The following ZC3H12B variants were observed in gnomAD, a reference collection of about 807,000 sequenced individuals.
ZC3H12B encodes zinc finger CCCH-type containing 12B.
ZC3H12B carries 7 observed loss-of-function variants against 43.9 expected under a neutral mutation model. The observed-to-expected ratio is 0.16, with a 90% CI of 0.09 to 0.30. ZC3H12B has a LOEUF of 0.30. Ranked by LOEUF, ZC3H12B falls within the 10% of genes least tolerant of loss-of-function variation. The probability of loss-of-function intolerance (pLI) is 1.00; values close to 1 mark genes in which losing one functional copy is unlikely to be tolerated. For synonymous variants in ZC3H12B, 222 were observed against 241.7 expected (o/e 0.92, Z 0.76); for missense variants, 475 against 670.2 (o/e 0.71, Z 3.22).
chrX:65,307,340 C>A, the ZC3H12B span, among the ~76,000 whole-genome samples: 1 of 111,419 alleles, frequency 9.0e-6, no homozygotes. Context: ...TAGAAAAGCA[C>A]CCTCAAATGC....
chrX:65,043,242 G>C, the ZC3H12B span, among the ~76,000 whole-genome samples: 2 of 110,579 alleles, frequency 1.8e-5, no homozygotes, highest in Non-Finnish European at 3.8e-5. Context: ...TGTCTACCAC[G>C]AAGTATAAAC....
the ZC3H12B span, among the ~76,000 whole-genome samples, chrX:65,212,615 A>T: frequency 3.6e-5 from 3 of 82,219 alleles, 1 homozygote; most frequent in Non-Finnish European, 6.6e-5. Flanking sequence ...TACATATATG[A>T]TATATAATAT....
the ZC3H12B span, among the ~76,000 whole-genome samples, chrX:65,244,458 A>G: frequency 9.1e-6 from 1 of 110,298 alleles, no homozygotes; most frequent in African/African-American, 3.3e-5. Flanking sequence ...TTCATTAAAA[A>G]AAAGTGCTAG....
At chrX:65,308,896 A>G in the ZC3H12B span, among the ~76,000 whole-genome samples, 1 of 112,187 alleles carries the variant, frequency 8.9e-6, no homozygotes, top group Admixed American at 9.5e-5. Context: ...CTACTGGGTA[A>G]ATAACAAAAT....
chrX:65,064,623 A>T, the ZC3H12B span, among the ~76,000 whole-genome samples: 2 of 111,550 alleles, frequency 1.8e-5, no homozygotes, highest in Non-Finnish European at 3.8e-5. Context: ...TATTCTGTTG[A>T]ACTGGGGTGG....
intron 2 of ZC3H12B, among the ~76,000 whole-genome samples, chrX:65,371,222 G>A (rs1313874830): frequency 8.9e-6 from 1 of 111,883 alleles, no homozygotes; most frequent in Non-Finnish European, 1.9e-5. Flanking sequence ...AGCTTTATCG[G>A]AGGTAGAATT....
chrX:65,281,862 G>A, the ZC3H12B span, among the ~76,000 whole-genome samples: 2 of 111,849 alleles, frequency 1.8e-5, no homozygotes, highest in Non-Finnish European at 3.8e-5. Context: ...CAGCAAAGGA[G>A]ACAATCAGCA....
At chrX:65,187,334 C>A in the ZC3H12B span, 2 of 111,385 alleles carry the variant, frequency 1.8e-5, no homozygotes, top group Admixed American at 1.9e-4. Flanking sequence ...GTAAAAGGGT[C>A]AAGGCTCACA....
intron 3 of ZC3H12B, among the ~76,000 whole-genome samples, chrX:65,463,576 C>T (rs1310606402): frequency 9.0e-6 from 1 of 111,284 alleles, no homozygotes; most frequent in Non-Finnish European, 1.9e-5. Flanking sequence ...TGCACTCTTT[C>T]CGGAGTTTAT....
chrX:65,249,924 A>C, the ZC3H12B span, among the ~76,000 whole-genome samples: 1 of 107,849 alleles, frequency 9.3e-6, no homozygotes, highest in Non-Finnish European at 1.9e-5. Flanking sequence ...TCTTTGTATG[A>C]AGAAACTTTG....
At chrX:65,379,901 T>A (rs1408267969) in intron 2 of ZC3H12B, among the ~76,000 whole-genome samples, 2 of 111,266 alleles carry the variant, frequency 1.8e-5, no homozygotes, top group Non-Finnish European at 3.8e-5. Context: ...AAGGGAAATT[T>A]AGAGAAAAAA....
chrX:65,125,221 G>T, the ZC3H12B span, among the ~76,000 whole-genome samples: 5 of 111,369 alleles, frequency 4.5e-5, no homozygotes, highest in South Asian at 7.3e-4. Flanking sequence ...TAAAATTTTT[G>T]TCTTGATTTC....
At chrX:65,380,689 C>T (rs2066424179) in intron 2 of ZC3H12B, among the ~76,000 whole-genome samples, 1 of 111,947 alleles carries the variant, frequency 8.9e-6, no homozygotes, top group Admixed American at 9.5e-5. Flanking sequence ...CAAGACCCAT[C>T]AGTGTGCTGT....
chrX:65,232,028 G>T, the ZC3H12B span, among the ~76,000 whole-genome samples: 6 of 108,498 alleles, frequency 5.5e-5, no homozygotes, highest in Non-Finnish European at 1.1e-4. Context: ...AAGGTCAGGA[G>T]ATCGAAACCA....
intron 3 of ZC3H12B, chrX:65,408,305 A>G: frequency 8.4e-7 from 1 of 1,188,373 alleles, no homozygotes; most frequent in Non-Finnish European, 1.1e-6. Context: ...AAACATTGAA[A>G]TGCACAAACA....
chrX:65,198,474 TTTC>T, the ZC3H12B span, among the ~76,000 whole-genome samples: 4 of 112,074 alleles, frequency 3.6e-5, no homozygotes, highest in East Asian at 2.8e-4. Context: ...AAAGTCTCCA[TTTC>T]TTCTTCTTGT....
At chrX:65,229,967 G>T in the ZC3H12B span, among the ~76,000 whole-genome samples, 1 of 111,922 alleles carries the variant, frequency 8.9e-6, no homozygotes, top group South Asian at 3.8e-4. Flanking sequence ...CATTGTGGAA[G>T]TCAGTGTGGT....
At chrX:65,053,697 T>C in the ZC3H12B span, among the ~76,000 whole-genome samples, 2 of 111,574 alleles carry the variant, frequency 1.8e-5, no homozygotes, top group Non-Finnish European at 1.9e-5. Flanking sequence ...ACTTCCACAA[T>C]GGTTGAACTA....
At chrX:65,433,728 G>A (rs2067189398) in intron 3 of ZC3H12B, among the ~76,000 whole-genome samples, 1 of 111,665 alleles carries the variant, frequency 9.0e-6, no homozygotes, top group Non-Finnish European at 1.9e-5. Context: ...AATGGCCATA[G>A]GACCCTTTGG....
Sources: gnomAD v4.1 joint callset for allele counts (sites outside exome capture counted in the v4.1 genomes callset) on GRCh38, gnomAD v4.1.1 for gene constraint, MANE v1.5 for transcripts, NCBI Gene and HGNC (gene_info 2026-07-23, HGNC 2026-07-21) for gene names.